EXOC4: variants seen among roughly 807,000 people sequenced by gnomAD.
EXOC4 encodes SEC8-like 1.
EXOC4 carries 71 observed loss-of-function variants against 107.2 expected under a neutral mutation model. That is an observed-to-expected ratio of 0.66 (90% CI 0.55 to 0.81). The LOEUF is 0.81. Among genes scored for constraint, EXOC4 ranks in the 30% least tolerant of loss-of-function variants. The pLI is 0.00. For synonymous variants in EXOC4, 456 were observed against 441.2 expected, an observed-to-expected ratio of 1.03 and a Z score of -0.42; for missense variants, 1,108 against 1,189.6, an observed-to-expected ratio of 0.93 and a Z score of 1.01.
intron 10 of EXOC4, among the ~76,000 whole-genome samples, chr7:133,712,696 A>C (rs1794920852): frequency 1.3e-5 from 2 of 152,200 alleles, no homozygotes; most frequent in Non-Finnish European, 2.9e-5. Context: ...AAAGATAGAA[A>C]TAGCCCAAAT....
chr7:133,354,561 C>G (rs1795983073), intron 5 of EXOC4, among the ~76,000 whole-genome samples: 1 of 151,832 alleles, frequency 6.6e-6, no homozygotes, highest in South Asian at 2.2e-4. Context: ...GTTTAACTTC[C>G]CTGGAATTTA....
At chr7:133,840,719 G>A (rs1036671695) in intron 11 of EXOC4, among the ~76,000 whole-genome samples, 1 of 151,934 alleles carries the variant, frequency 6.6e-6, no homozygotes, top group Non-Finnish European at 1.5e-5. Flanking sequence ...CTGGCCTCGC[G>A]ATCCACCTGC....
chr7:133,627,775 T>C (rs1349482685), intron 9 of EXOC4, among the ~76,000 whole-genome samples: 1 of 152,210 alleles, frequency 6.6e-6, no homozygotes. Context: ...AAGATGGATT[T>C]TTTTTAAATG....
chr7:133,878,576 C>A (rs1285924232), intron 11 of EXOC4, among the ~76,000 whole-genome samples: 1 of 152,186 alleles, frequency 6.6e-6, no homozygotes, highest in Non-Finnish European at 1.5e-5. Context: ...CCAAGCTCGA[C>A]CCCTGGATGA....
At chr7:133,831,664 G>A (rs1264423511) in intron 11 of EXOC4, among the ~76,000 whole-genome samples, 2 of 151,534 alleles carry the variant, frequency 1.3e-5, no homozygotes, top group Non-Finnish European at 2.9e-5. Flanking sequence ...CATTTTTCTA[G>A]GAATCCTAGT....
At chr7:133,254,382 T>C (rs1172389278) in intron 1 of EXOC4, among the ~76,000 whole-genome samples, 3 of 152,246 alleles carry the variant, frequency 2.0e-5, no homozygotes, top group African/African-American at 7.2e-5. Flanking sequence ...TGTGAATCTA[T>C]AGGCCCACAT....
At chr7:133,589,834 G>C (rs1433239673) in intron 9 of EXOC4, among the ~76,000 whole-genome samples, 2 of 152,122 alleles carry the variant, frequency 1.3e-5, no homozygotes, top group Admixed American at 6.5e-5. Flanking sequence ...ATAAACTGCT[G>C]ATTTCTTTGG....
At chr7:133,793,296 G>C (rs1796743217) in intron 10 of EXOC4, among the ~76,000 whole-genome samples, 1 of 152,118 alleles carries the variant, frequency 6.6e-6, no homozygotes, top group Admixed American at 6.5e-5. Context: ...GATTAGGGAA[G>C]TTTGGGGGGC....
At chr7:134,051,015 C>T (rs1795772312) in intron 17 of EXOC4, among the ~76,000 whole-genome samples, 1 of 152,004 alleles carries the variant, frequency 6.6e-6, no homozygotes, top group South Asian at 2.1e-4. Flanking sequence ...CATTGATAGA[C>T]CTGGTGACAA....
chr7:133,587,104 G>A (rs1483217532), intron 9 of EXOC4, among the ~76,000 whole-genome samples: 1 of 152,130 alleles, frequency 6.6e-6, no homozygotes, highest in Non-Finnish European at 1.5e-5. Flanking sequence ...GAAGTGCTGG[G>A]ATTACAGCAG....
intron 11 of EXOC4, among the ~76,000 whole-genome samples, chr7:133,854,902 A>T (rs1434475512): frequency 6.7e-6 from 1 of 149,158 alleles, no homozygotes; most frequent in African/African-American, 2.5e-5. Context: ...GCAGTATATC[A>T]TCCCTACTTT....
At chr7:133,320,594 A>T (rs1795089684) in intron 5 of EXOC4, among the ~76,000 whole-genome samples, 1 of 152,190 alleles carries the variant, frequency 6.6e-6, no homozygotes, top group South Asian at 2.1e-4. Flanking sequence ...CATGTGACTA[A>T]TCACAGGTTC....
chr7:133,504,835 T>G (rs961250707), intron 9 of EXOC4, among the ~76,000 whole-genome samples: 4 of 152,130 alleles, frequency 2.6e-5, no homozygotes, highest in Non-Finnish European at 4.4e-5. Flanking sequence ...TTAATAAGAA[T>G]ATCCTACTCT....
intron 9 of EXOC4, among the ~76,000 whole-genome samples, chr7:133,590,820 G>A (rs891481040): frequency 1.3e-5 from 2 of 152,168 alleles, no homozygotes; most frequent in Admixed American, 1.3e-4. Flanking sequence ...CTTCCTGGAT[G>A]CCAAACGAGA....
At position 133,470,989 on chromosome 7, in the gene EXOC4, A is replaced by G. The variant is rs563025401; in HGVS notation, c.1183-4339A>G. Among the ~76,000 whole-genome samples, 17 of 152,324 alleles carry G rather than the reference A, an allele frequency of 1.1e-4. No individual in the cohort carries two copies. The East Asian group carries it at 3.3e-3, about 29-fold the overall frequency. On this transcript the variant is annotated intron_variant, in intron 7 of 17. Coordinates refer to ENST00000253861, the MANE Select transcript of EXOC4 (RefSeq NM_021807.4). ...TCCACCATGATGTGGAATCATCAAT[A>G]AATTATATAGTTATATTTTAATACT...
At chr7:133,544,570 A>G (rs531195414) in intron 9 of EXOC4, among the ~76,000 whole-genome samples, 20 of 152,228 alleles carry the variant, frequency 1.3e-4, no homozygotes, top group African/African-American at 4.8e-4. Context: ...AACAGTGTCA[A>G]ATGCCTTTTT....
At chr7:133,441,424 T>C (rs900554311) in intron 7 of EXOC4, among the ~76,000 whole-genome samples, 1 of 152,186 alleles carries the variant, frequency 6.6e-6, no homozygotes, top group African/African-American at 2.4e-5. Flanking sequence ...ATAGTCTCAC[T>C]CTGTCACCCA....
At chr7:133,931,709 ACCT>A (rs1390512124) in intron 13 of EXOC4, among the ~76,000 whole-genome samples, 5 of 152,276 alleles carry the variant, frequency 3.3e-5, no homozygotes, top group African/African-American at 1.2e-4. Flanking sequence ...CTTATCACAC[ACCT>A]TGACCTGTGA....
intron 9 of EXOC4, among the ~76,000 whole-genome samples, chr7:133,572,394 T>C (rs1269626287): frequency 6.6e-6 from 1 of 152,042 alleles, no homozygotes; most frequent in African/African-American, 2.4e-5. Flanking sequence ...CTGGAAAAGA[T>C]GACTGGAACT....
Sources: allele counts gnomAD v4.1 joint callset (sites outside exome capture counted in the v4.1 genomes callset), GRCh38; gene constraint gnomAD v4.1.1; transcripts MANE v1.5; gene names NCBI Gene and HGNC (gene_info 2026-07-23, HGNC 2026-07-21).